The following PPARA variants were observed in gnomAD, a reference collection of about 807,000 sequenced individuals.
PPARA encodes the protein peroxisome proliferator activated receptor alpha.
In PPARA, 22 loss-of-function variants were observed where a neutral mutation model predicts 42.2. The ratio of observed to expected loss-of-function variants is 0.52; its 90% confidence interval spans 0.37 to 0.74. The LOEUF (loss-of-function observed/expected upper bound fraction) is 0.74. Ranked by LOEUF, PPARA falls within the 30% of genes least tolerant of loss-of-function variation. The probability of loss-of-function intolerance (pLI) is 0.00; values close to 1 mark genes in which losing one functional copy is unlikely to be tolerated. For missense variants in PPARA, 465 were observed against 608.2 expected, an observed-to-expected ratio of 0.76 and a Z score of 2.48; for synonymous variants, 242 against 239.3, an observed-to-expected ratio of 1.01 and a Z score of -0.10.
At chr22:46,226,746 G>C (rs1041752914) in intron 7 of PPARA, among the ~76,000 whole-genome samples, 1 of 152,106 alleles carries the variant, frequency 6.6e-6, no homozygotes, top group Non-Finnish European at 1.5e-5. Context: ...GGTGGTGTGC[G>C]CCTGTGGTTC....
intron 3 of PPARA, among the ~76,000 whole-genome samples, chr22:46,181,458 G>T (rs1007808038): frequency 6.6e-6 from 1 of 152,166 alleles, no homozygotes; most frequent in African/African-American, 2.4e-5. Context: ...TGGTCAGTCT[G>T]GAACGAAAGT....
chr22:46,215,598 C>T (rs991266143), intron 5 of PPARA, among the ~76,000 whole-genome samples: 37 of 151,890 alleles, frequency 2.4e-4, no homozygotes, highest in African/African-American at 8.0e-4. Context: ...AAAAATTAGC[C>T]AGGCGTGGTG....
chr22:46,157,755 C>G (rs135547), intron 2 of PPARA, among the ~76,000 whole-genome samples: 57,267 of 151,962 alleles, frequency 0.38, 12,660 homozygotes, highest in African/African-American at 0.61. Context: ...TTCTCCTGCT[C>G]TGACTGTCAC....
Position 46,167,501 on chromosome 22 carries a change from A to C in PPARA, c.-126-9252A>C, listed in dbSNP as rs890855739. 1.3e-5 allele frequency among the ~76,000 whole-genome samples: 2 copies of C among 151,950 alleles called. No homozygotes were observed. Among genetic ancestry groups the C allele is most frequent in the African/African-American group, 4.8e-5 (2 of 41,350 alleles). On this transcript the variant is annotated intron_variant, in intron 2 of 8. Coordinates refer to ENST00000407236, the MANE Select transcript of PPARA (RefSeq NM_005036.6). The surrounding 1 kb of genome is among the most constrained non-coding windows in gnomAD (Gnocchi z 4.1). The stretch of plus-strand genomic sequence containing the variant: ...ACACCGTCTCTACAAAAAAATGAAA[A>C]AATTAGTTGAGCATGATGACACTCA...
In PPARA at chr22:46,183,920, G is replaced by T. The variant is rs1023642344; in HGVS notation, c.-43+7084G>T. Among the ~76,000 whole-genome samples the T allele has an allele frequency of 6.6e-5, 10 of 152,084 alleles. No homozygotes were observed. Among genetic ancestry groups the T allele is most frequent in the African/African-American group, 2.4e-4 (10 of 41,416 alleles). ...GGCTTGCTGCCTGAGGTCAAACCCC[G>T]GTCCCGGTGGTTCTGTGCCCCAGCG... On this transcript the variant is annotated intron_variant, in intron 3 of 8. Transcript: ENST00000407236. This position sits in a 1 kb window ranked among gnomAD's most constrained non-coding sequence, Gnocchi z 5.5.
rs1444195335 is a variant in PPARA at position 46,237,186 on chromosome 22, A to G, written c.*1806A>G. 1 of 152,192 alleles carries G rather than the reference A, an allele frequency of 6.6e-6. No individual in the cohort carries two copies. Among genetic ancestry groups the G allele is most frequent in the African/African-American group, 2.4e-5 (1 of 41,450 alleles). 9.4% of individuals were successfully genotyped at this position (152,192 alleles called of 1,614,324 possible). ...GATTAGGATTGATAAGGGTCCCATG[A>G]CCAGCATTATGAAAATGCGAGAGTG... is the stretch of plus-strand genomic sequence containing the variant. On this transcript the variant is annotated 3_prime_UTR_variant, in exon 9 of 9. Transcript: ENST00000407236. The surrounding 1 kb of genome is among the most constrained non-coding windows in gnomAD (Gnocchi z 6.7).
rs71192405 is a variant in PPARA, at chr22:46,232,981, C to CAAAAA, written c.1159+758_1159+762dup. Among the ~76,000 whole-genome samples the CAAAAA allele has an allele frequency of 0.057, 5,316 of 93,356 alleles. 153 individuals carry two copies. The highest frequency in any genetic ancestry group is 0.11 in the Middle Eastern group (16 of 144). 61.2% of individuals were successfully genotyped at this position (93,356 alleles called of 152,430 possible). A position where few individuals can be genotyped will look rare whatever the true frequency, so the allele number is the denominator to read the frequency against. On this transcript the variant is annotated intron_variant, in intron 8 of 8. Transcript: ENST00000407236. This position sits in a 1 kb window ranked among gnomAD's most constrained non-coding sequence, Gnocchi z 5.3. Reference sequence around the variant, plus strand: ...TGGGCGACGAAGAATGACCCTGTCTCAAAAAAAAAAAAAAAAAAAATTATA... The same window carrying CAAAAA: ...TGGGCGACGAAGAATGACCCTGTCTCAAAAAAAAAAAAAAAAAAAAAAAAATTATA...
At position 46,221,796 on chromosome 22, in the gene PPARA, C is replaced by G. The variant is rs967018277; in HGVS notation, c.711+1782C>G. 6.6e-6 allele frequency among the ~76,000 whole-genome samples: 1 copy of G among 152,022 alleles called. No homozygotes were observed. Among genetic ancestry groups the G allele is most frequent in the African/African-American group, 2.4e-5 (1 of 41,394 alleles). On this transcript the variant is annotated intron_variant, in intron 7 of 8. Transcript: ENST00000407236. The surrounding 1 kb of genome is among the most constrained non-coding windows in gnomAD (Gnocchi z 5.9). ...GCCTGGGCGACAAAGCCAGCTGTGT[C>G]TGGGCGCGGTGGCTCATGTCTGTAA...
intron 3 of PPARA, among the ~76,000 whole-genome samples, chr22:46,179,760 AG>A (rs999562549): frequency 6.6e-6 from 1 of 152,222 alleles, no homozygotes; most frequent in African/African-American, 2.4e-5. Flanking sequence ...AGACAGTTTT[AG>A]GAGAATGAAA....
rs574600489 is a variant in PPARA, at chr22:46,233,936, G to C, written c.1160-1197G>C. Among the ~76,000 whole-genome samples the C allele has an allele frequency of 3.3e-5, 5 of 152,010 alleles. No homozygotes were observed. In the East Asian group the frequency reaches 7.8e-4, roughly 24 times the overall value. Reference sequence around the variant, plus strand: ...CCTCCTGGGTTCAAGTGATTCGCCTGCCTCAGCCTCCTGAGTAGCTGAGAT... The same window carrying C: ...CCTCCTGGGTTCAAGTGATTCGCCTCCCTCAGCCTCCTGAGTAGCTGAGAT... On this transcript the variant is annotated intron_variant, in intron 8 of 8. Transcript: ENST00000407236. This position sits in a 1 kb window ranked among gnomAD's most constrained non-coding sequence, Gnocchi z 7.3.
chr22:46,170,275 G>T (rs1461029239), intron 2 of PPARA, among the ~76,000 whole-genome samples: 1 of 151,366 alleles, frequency 6.6e-6, no homozygotes, highest in Non-Finnish European at 1.5e-5. Context: ...TTGAGACACG[G>T]TCTTACTCTG....
chr22:46,210,321 A>C (rs1933803681), intron 4 of PPARA, among the ~76,000 whole-genome samples: 1 of 151,894 alleles, frequency 6.6e-6, no homozygotes, highest in African/African-American at 2.4e-5. Context: ...AAAAAAAAAA[A>C]AAAAAAAACT....
At chr22:46,207,455 TG>T (rs1933436092) in intron 4 of PPARA, among the ~76,000 whole-genome samples, 2 of 149,454 alleles carry the variant, frequency 1.3e-5, no homozygotes, top group African/African-American at 4.9e-5. Context: ...CTAATTTTTT[TG>T]TATTTTTTAG....
In PPARA at chr22:46,187,866, C is replaced by T. The variant is rs1470411637; in HGVS notation, c.-42-10476C>T. Among the ~76,000 whole-genome samples the T allele has an allele frequency of 6.6e-6, 1 of 152,216 alleles. No homozygotes were observed. The highest frequency in any genetic ancestry group is 1.5e-5 in the Non-Finnish European group (1 of 68,028). ...CTCTTGGATCTGGCTTGCCTTGTGA[C>T]TTGCTTTGACCCACAGAACGTAACA... On this transcript the variant is annotated intron_variant, in intron 3 of 8. Transcript: ENST00000407236. This position sits in a 1 kb window ranked among gnomAD's most constrained non-coding sequence, Gnocchi z 4.9.
intron 3 of PPARA, among the ~76,000 whole-genome samples, chr22:46,197,898 C>T (rs1031454591): frequency 8.1e-5 from 12 of 147,566 alleles, no homozygotes; most frequent in African/African-American, 3.0e-4. Context: ...GAGCAAGACT[C>T]TATCTCAAAA....
Position 46,227,470 on chromosome 22 carries a change from T to G in PPARA, c.712-4322T>G, listed in dbSNP as rs1254213560. Among the ~76,000 whole-genome samples, 1 of 152,234 alleles carries G rather than the reference T, an allele frequency of 6.6e-6. No homozygotes were observed. Among genetic ancestry groups the G allele is most frequent in the Non-Finnish European group, 1.5e-5 (1 of 68,046 alleles). Reference sequence around the variant, plus strand: ...TTTTGCCATGTTGGCCGGGCTGGTCTCGAAATCCTGACCTCAGGTCATCCA... The same window carrying G: ...TTTTGCCATGTTGGCCGGGCTGGTCGCGAAATCCTGACCTCAGGTCATCCA... On this transcript the variant is annotated intron_variant, in intron 7 of 8. Coordinates refer to ENST00000407236, the MANE Select transcript of PPARA (RefSeq NM_005036.6). The surrounding 1 kb of genome is among the most constrained non-coding windows in gnomAD (Gnocchi z 4.3).
rs932993892 is a variant in PPARA, at chr22:46,187,460, C to T, written c.-43+10624C>T. ...CCAGTTGTCAGGATCAGCTCTTTAT[C>T]TCGCAGTCCTCCTGCCTCTTGTGTC... On this transcript the variant is annotated intron_variant, in intron 3 of 8. Transcript: ENST00000407236. This position sits in a 1 kb window ranked among gnomAD's most constrained non-coding sequence, Gnocchi z 4.9. Among the ~76,000 whole-genome samples the T allele has an allele frequency of 2.0e-5, 3 of 152,256 alleles. No homozygotes were observed. The highest frequency in any genetic ancestry group is 7.2e-5 in the African/African-American group (3 of 41,464).
At position 46,162,872 on chromosome 22, in the gene PPARA, T is replaced by C. The variant is rs1405464887; in HGVS notation, c.-127+10902T>C. 2.0e-5 allele frequency among the ~76,000 whole-genome samples: 3 copies of C among 152,388 alleles called. No individual in the cohort carries two copies. In the East Asian group the frequency reaches 5.8e-4, roughly 29 times the overall value. On this transcript the variant is annotated intron_variant, in intron 2 of 8. Coordinates refer to ENST00000407236, the MANE Select transcript of PPARA (RefSeq NM_005036.6). This position sits in a 1 kb window ranked among gnomAD's most constrained non-coding sequence, Gnocchi z 6.0. ...TGATTTGATGAATTCTGCCTTCACT[T>C]GAGCAGCTATTAGGGGCATATGTCA...
At chr22:46,209,308 T>G (rs1262376315) in intron 4 of PPARA, among the ~76,000 whole-genome samples, 1 of 152,214 alleles carries the variant, frequency 6.6e-6, no homozygotes, top group Non-Finnish European at 1.5e-5. Context: ...GGTTTCTTCC[T>G]TTATGCTCCT....
Sources: gnomAD v4.1 joint callset for allele counts (sites outside exome capture counted in the v4.1 genomes callset) on GRCh38, gnomAD v4.1.1 for gene constraint, Gnocchi (gnomAD v3.1) non-coding constraint, MANE v1.5 for transcripts, NCBI Gene and HGNC (gene_info 2026-07-23, HGNC 2026-07-21) for gene names.